EPB41L3: variants seen among roughly 807,000 people sequenced by gnomAD.
EPB41L3 encodes the protein erythrocyte membrane protein band 4.1 like 3.
EPB41L3 carries 57 observed loss-of-function variants against 127.1 expected under a neutral mutation model. The observed-to-expected ratio is 0.45, with a 90% CI of 0.36 to 0.56. EPB41L3 has a LOEUF of 0.56. Ranked by LOEUF, EPB41L3 falls within the 20% of genes least tolerant of loss-of-function variation. The pLI is 0.00. For synonymous variants in EPB41L3, 572 were observed against 549.5 expected (o/e 1.04, Z -0.57); for missense variants, 1,273 against 1,372.2 (o/e 0.93, Z 1.14).
intron 3 of EPB41L3, among the ~76,000 whole-genome samples, chr18:5,597,417 T>C (rs1354545612): frequency 6.6e-6 from 1 of 152,198 alleles, no homozygotes; most frequent in African/African-American, 2.4e-5. Context: ...CATTACAATG[T>C]ATTCATCCGA....
intron 3 of EPB41L3, among the ~76,000 whole-genome samples, chr18:5,611,481 G>A (rs1228378914): frequency 1.3e-5 from 2 of 152,168 alleles, no homozygotes; most frequent in Non-Finnish European, 2.9e-5. Flanking sequence ...AAAATGGAGA[G>A]CTGTTGGTTA....
At chr18:5,439,277 C>T (rs2080321697) in intron 5 of EPB41L3, among the ~76,000 whole-genome samples, 1 of 152,130 alleles carries the variant, frequency 6.6e-6, no homozygotes, top group African/African-American at 2.4e-5. Context: ...CAGTCCACCC[C>T]TTATGCTTCC....
At chr18:5,471,802 G>T (rs527368639) in intron 3 of EPB41L3, among the ~76,000 whole-genome samples, 74 of 152,248 alleles carry the variant, frequency 4.9e-4, no homozygotes, top group African/African-American at 1.8e-3. Flanking sequence ...GCAAACCTAG[G>T]GCTTCAGCAT....
chr18:5,571,502 A>C (rs950888433), intron 3 of EPB41L3, among the ~76,000 whole-genome samples: 2 of 152,242 alleles, frequency 1.3e-5, no homozygotes, highest in Admixed American at 1.3e-4. Flanking sequence ...GGGATAGCAC[A>C]ATAGGCTTTC....
In EPB41L3 at chr18:5,532,277, TAC is replaced by T. The variant is rs562268747; in HGVS notation, c.-12+11634_-12+11635del. Among the ~76,000 whole-genome samples the T allele has an allele frequency of 2.0e-4, 31 of 152,320 alleles. 1 individual carries two copies. The South Asian group carries it at 4.1e-3, about 20-fold the overall frequency. On this transcript the variant is annotated intron_variant, in intron 1 of 22. Coordinates refer to ENST00000341928, the MANE Select transcript of EPB41L3 (RefSeq NM_012307.5). ...TTACTACTCATCCCCTTGTTTAAAA[TAC>T]AGTTTCCAGGGGAGTAAAACCTGAT... is the stretch of plus-strand genomic sequence containing the variant.
rs1272141262 is a variant in EPB41L3 at position 5,489,036 on chromosome 18, C to T, written c.148G>A (p.Ala50Thr). Residue 50 changes from alanine to threonine, a missense_variant, in exon 2 of 23, where the codon GCC becomes ACC. Ala to Thr is a moderately conservative substitution (Grantham distance 58, BLOSUM62 0). This residue lies in a region of EPB41L3 where 182 missense variants were observed against 149.2 expected (regional missense o/e 1.22). Transcript: ENST00000341928. ...EQQQALEQFA[A>T]AAAHSTPVRR... Reference sequence around the variant, plus strand: ...ACCGGGGTGCTGTGCGCTGCAGCGGCGGCGAACTGCTCCAGGGCCTGCTGC... The same window carrying T: ...ACCGGGGTGCTGTGCGCTGCAGCGGTGGCGAACTGCTCCAGGGCCTGCTGC... The T allele has an allele frequency of 1.9e-6, 3 of 1,591,514 alleles. No individual in the cohort carries two copies. The highest frequency in any genetic ancestry group is 2.6e-6 in the Non-Finnish European group (3 of 1,175,776).
At chr18:5,544,566 C>T (rs186131431), upstream of EPB41L3, among the ~76,000 whole-genome samples, 1 of 152,254 alleles carries the variant, frequency 6.6e-6, no homozygotes, top group African/African-American at 2.4e-5. Flanking sequence ...AGCTTTCCAC[C>T]GAAATTTACC....
At position 5,483,255 on chromosome 18, in the gene EPB41L3, A is replaced by G. The variant is rs537928230; in HGVS notation, c.184-4817T>C. On this transcript the variant is annotated intron_variant, in intron 2 of 22. Coordinates refer to ENST00000341928, the MANE Select transcript of EPB41L3 (RefSeq NM_012307.5). The stretch of plus-strand genomic sequence containing the variant: ...TCTGTTTTTAAATTTGTGATCTAAG[A>G]TAAGTTGTCATTTGTTTAAAATAAC... 4.6e-5 allele frequency among the ~76,000 whole-genome samples: 7 copies of G among 152,206 alleles called. No homozygotes were observed. In the South Asian group the frequency reaches 1.5e-3, roughly 32 times the overall value.
At chr18:5,406,674 A>G in intron 16 of EPB41L3, 103 bp downstream of exon 16, 3 of 1,043,814 alleles carry the variant, frequency 2.9e-6, no homozygotes, top group Non-Finnish European at 4.1e-6. Context: ...AGGTAGGAAG[A>G]GAGATTTTCT....
intron 1 of EPB41L3, among the ~76,000 whole-genome samples, chr18:5,533,157 A>G (rs2093464866): frequency 6.6e-6 from 1 of 152,178 alleles, no homozygotes; most frequent in African/African-American, 2.4e-5. Context: ...GAGGGGGAAA[A>G]AAGCCAACGT....
chr18:5,496,746 T>C (rs1315613591), intron 1 of EPB41L3, among the ~76,000 whole-genome samples: 3 of 152,276 alleles, frequency 2.0e-5, no homozygotes, highest in African/African-American at 4.8e-5. Context: ...TGCTTTATGT[T>C]GGAAACTTAT....
chr18:5,443,893 T>C lies in EPB41L3; in HGVS notation c.487-13A>G, dbSNP rs374100781. 3.0e-5 allele frequency: 48 copies of C among 1,604,898 alleles called. No homozygotes were observed. In the African/African-American group the frequency reaches 5.8e-4, roughly 19 times the overall value. ...GGTCCAACCAATTCTGAAAAGGAAA[T>C]GACATTTTGAATTTGAATCAGAGGA... On this transcript the variant is annotated splice_polypyrimidine_tract_variant and intron_variant, in intron 4 of 22. Coordinates refer to ENST00000341928, the MANE Select transcript of EPB41L3 (RefSeq NM_012307.5).
chr18:5,415,795 G>T (rs768431444), intron 13 of EPB41L3, 23 bp downstream of exon 13: 1 of 1,601,196 alleles, frequency 6.2e-7, no homozygotes, highest in South Asian at 1.1e-5. Flanking sequence ...AAGGGGAAGC[G>T]TGTTCTATGC....
At position 5,501,885 on chromosome 18, in the gene EPB41L3, T is replaced by A. The variant is rs192184986; in HGVS notation, c.-11-12691A>T. ...TGAGTCGCCTGAAAGCAGTGCCTCATCAAGTTCTCTGAAGGTGCTGATGAG... is the reference window on the plus strand; with the variant it reads ...TGAGTCGCCTGAAAGCAGTGCCTCAACAAGTTCTCTGAAGGTGCTGATGAG... On this transcript the variant is annotated intron_variant, in intron 1 of 22. Transcript: ENST00000341928. Among the ~76,000 whole-genome samples, 237 of 152,310 alleles carry A rather than the reference T, an allele frequency of 1.6e-3. 1 individual carries two copies. The highest frequency in any genetic ancestry group is 0.013 in the Admixed American group (199 of 15,296).
intron 1 of EPB41L3, among the ~76,000 whole-genome samples, chr18:5,509,350 G>A (rs1264165031): frequency 6.6e-6 from 1 of 152,232 alleles, no homozygotes; most frequent in Admixed American, 6.5e-5. Flanking sequence ...CATTCCTGGG[G>A]AACACCAACT....
intron 7 of EPB41L3, 105 bp from the exon 8 acceptor site, chr18:5,433,661 C>G: frequency 9.8e-7 from 1 of 1,016,920 alleles, no homozygotes; most frequent in Non-Finnish European, 1.5e-6. Flanking sequence ...CCTATGGAGG[C>G]ACCAGCAGAT....
At chr18:5,453,992 T>C (rs2082656198) in intron 3 of EPB41L3, among the ~76,000 whole-genome samples, 1 of 152,184 alleles carries the variant, frequency 6.6e-6, no homozygotes, top group Non-Finnish European at 1.5e-5. Flanking sequence ...TTGTCTTTAT[T>C]TCTAAATGAC....
intron 1 of EPB41L3, among the ~76,000 whole-genome samples, chr18:5,625,335 G>C (rs2094911018): frequency 6.6e-6 from 1 of 151,940 alleles, no homozygotes; most frequent in Non-Finnish European, 1.5e-5. Flanking sequence ...TGATAGAAAG[G>C]AAGTGGCAGT....
At chr18:5,558,924 A>C (rs1275115314) in intron 3 of EPB41L3, among the ~76,000 whole-genome samples, 1 of 152,252 alleles carries the variant, frequency 6.6e-6, no homozygotes, top group East Asian at 1.9e-4. Flanking sequence ...TAATTCAATT[A>C]GACTACATCA....
Sources: allele counts gnomAD v4.1 joint callset (sites outside exome capture counted in the v4.1 genomes callset), GRCh38; gene constraint gnomAD v4.1.1; regional missense constraint gnomAD v4.1.1; transcripts MANE v1.5; gene names NCBI Gene and HGNC (gene_info 2026-07-23, HGNC 2026-07-21).